PIGN: variants seen among roughly 807,000 people sequenced by gnomAD.
The protein encoded by PIGN is GPI ethanolamine phosphate transferase 1.
In PIGN, 117 loss-of-function variants were observed where a neutral mutation model predicts 125.4. The observed-to-expected ratio is 0.93, with a 90% CI of 0.80 to 1.09. PIGN has a LOEUF of 1.09. Ranked by LOEUF, PIGN falls within the 50% of genes least tolerant of loss-of-function variation. The pLI is 0.00. For missense variants in PIGN, 1,075 were observed against 1,094.9 expected, an observed-to-expected ratio of 0.98 and a Z score of 0.26; for synonymous variants, 392 against 377.8, an observed-to-expected ratio of 1.04 and a Z score of -0.44.
intron 1 of PIGN, among the ~76,000 whole-genome samples, chr18:62,169,539 A>C (rs781221400): frequency 1.3e-5 from 2 of 152,136 alleles, no homozygotes; most frequent in Non-Finnish European, 2.9e-5. Context: ...TGCTGAGATG[A>C]CAGGCGTGAG....
rs369460690 is a variant in PIGN, at chr18:62,150,935, C to T, written c.550-2597G>A. 5.3e-5 allele frequency among the ~76,000 whole-genome samples: 8 copies of T among 151,782 alleles called. No homozygotes were observed. In the East Asian group the frequency reaches 5.8e-4, roughly 11 times the overall value. On this transcript the variant is annotated intron_variant, in intron 7 of 30. Transcript: ENST00000640252. ...CAGGATGGTCTCAATCTCTTGAGAA[C>T]GTGATCCACCCGCCTCGGCCTCCCA...
chr18:62,106,546 G>A (rs543007919), intron 19 of PIGN, among the ~76,000 whole-genome samples: 32 of 152,238 alleles, frequency 2.1e-4, no homozygotes, highest in African/African-American at 7.7e-4. Context: ...TTCAGAGATG[G>A]ACATATCAGT....
At chr18:62,096,081 G>C (rs1318987209) in intron 22 of PIGN, 131 bp from the exon 23 acceptor site, 1 of 501,446 alleles carries the variant, frequency 2.0e-6, no homozygotes, top group African/African-American at 2.0e-5. Context: ...GATCACCTGA[G>C]GTCAGGAGTT....
intron 30 of PIGN, among the ~76,000 whole-genome samples, chr18:62,056,362 C>T (rs1037465733): frequency 6.6e-6 from 1 of 151,958 alleles, no homozygotes; most frequent in Non-Finnish European, 1.5e-5. Context: ...TCACTTTAAA[C>T]TTATAAGCAC....
At position 62,143,027 on chromosome 18, in the gene PIGN, C is replaced by T. The variant is rs78300082; in HGVS notation, c.963+279G>A. ...GCAATACAACCATGAAAAGCAATCA[C>T]AGAAATTTAAGAGGCATGCAAATTT... On this transcript the variant is annotated intron_variant, in intron 11 of 30. Coordinates refer to ENST00000640252, the MANE Select transcript of PIGN (RefSeq NM_176787.5). Among the ~76,000 whole-genome samples, 3,362 of 152,186 alleles carry T rather than the reference C, an allele frequency of 0.022. 101 individuals are homozygous for T. The highest frequency in any genetic ancestry group is 0.057 in the African/African-American group (2,384 of 41,512).
At chr18:62,057,317 T>C (rs1242342854) in intron 30 of PIGN, among the ~76,000 whole-genome samples, 1 of 152,178 alleles carries the variant, frequency 6.6e-6, no homozygotes, top group Non-Finnish European at 1.5e-5. Context: ...CCTAGAGCTT[T>C]CTCCAGATTT....
chr18:62,142,736 C>T (rs760845045), intron 11 of PIGN, among the ~76,000 whole-genome samples: 9 of 152,174 alleles, frequency 5.9e-5, no homozygotes, highest in Non-Finnish European at 1.3e-4. Flanking sequence ...ATTAAGGTAG[C>T]ATGTTTTTAA....
At chr18:62,141,702 C>T (rs1208573837) in intron 11 of PIGN, among the ~76,000 whole-genome samples, 3 of 152,174 alleles carry the variant, frequency 2.0e-5, no homozygotes. Context: ...TTCTTTCACA[C>T]ACAAAAAACC....
downstream of PIGN, among the ~76,000 whole-genome samples, chr18:62,038,379 T>C (rs547539357): frequency 6.9e-6 from 1 of 144,170 alleles, no homozygotes; most frequent in East Asian, 2.2e-4. Context: ...TAATTGAACT[T>C]GGCCAAAAAC....
chr18:62,107,910 C>T lies in PIGN; in HGVS notation c.1575-825G>A, dbSNP rs547199184. ...CCAATTTAAGATGTCACTAATTGTA[C>T]ACTAACGGTAATCAAGTGAACTCAT... On this transcript the variant is annotated intron_variant, in intron 17 of 30. Coordinates refer to ENST00000640252, the MANE Select transcript of PIGN (RefSeq NM_176787.5). 1.2e-4 allele frequency among the ~76,000 whole-genome samples: 18 copies of T among 152,230 alleles called. No individual in the cohort carries two copies. In the East Asian group the frequency reaches 3.5e-3, roughly 29 times the overall value.
downstream of PIGN, among the ~76,000 whole-genome samples, chr18:62,038,802 C>T (rs572363393): frequency 6.6e-6 from 1 of 152,136 alleles, no homozygotes; most frequent in South Asian, 2.1e-4. Context: ...CCCGTGGTTC[C>T]AGCTATTCAG....
At chr18:62,061,908 C>T (rs1225194132) in intron 30 of PIGN, among the ~76,000 whole-genome samples, 9 of 152,110 alleles carry the variant, frequency 5.9e-5, no homozygotes, top group African/African-American at 2.2e-4. Flanking sequence ...TGAATCTTGA[C>T]GTACATTTCC....
downstream of PIGN, among the ~76,000 whole-genome samples, chr18:62,039,194 T>A (rs2030301455): frequency 6.6e-6 from 1 of 152,008 alleles, no homozygotes; most frequent in African/African-American, 2.4e-5. Flanking sequence ...TTTAAAAACA[T>A]AAAATTACAA....
At chr18:62,185,718 GA>G (rs2037921381) in intron 1 of PIGN, among the ~76,000 whole-genome samples, 1 of 33,500 alleles carries the variant, frequency 3.0e-5, no homozygotes, top group South Asian at 1.2e-3. Flanking sequence ...ATTTGTGTGT[GA>G]AAAAAATAGG....
chr18:62,104,064 G>A (rs2034546890), intron 20 of PIGN, among the ~76,000 whole-genome samples: 1 of 152,082 alleles, frequency 6.6e-6, no homozygotes, highest in Admixed American at 6.6e-5. Flanking sequence ...TCTGAAGAAG[G>A]GAGATGCTGT....
intron 30 of PIGN, among the ~76,000 whole-genome samples, chr18:62,055,813 C>T (rs796302245): frequency 2.0e-5 from 3 of 151,902 alleles, no homozygotes; most frequent in African/African-American, 7.2e-5. Context: ...GGTTGCTGGC[C>T]TCTACCCTGG....
chr18:62,167,056 C>T (rs1054989232), intron 1 of PIGN, among the ~76,000 whole-genome samples: 1 of 152,086 alleles, frequency 6.6e-6, no homozygotes, highest in Non-Finnish European at 1.5e-5. Flanking sequence ...ATCCCAGAAC[C>T]TAAAGTAAAA....
intron 30 of PIGN, among the ~76,000 whole-genome samples, chr18:62,061,108 T>G (rs2032095870): frequency 6.6e-6 from 1 of 152,224 alleles, no homozygotes; most frequent in South Asian, 2.1e-4. Context: ...GTATGCTTCC[T>G]GAGTCTCAAT....
chr18:62,087,833 T>C (rs754697813), intron 25 of PIGN, among the ~76,000 whole-genome samples: 2 of 151,374 alleles, frequency 1.3e-5, no homozygotes, highest in Non-Finnish European at 2.9e-5. Context: ...AAAAAGAGAG[T>C]AGAATGATGG....
Sources: allele counts gnomAD v4.1 joint callset (sites outside exome capture counted in the v4.1 genomes callset), GRCh38; gene constraint gnomAD v4.1.1; transcripts MANE v1.5; gene names NCBI Gene and HGNC (gene_info 2026-07-23, HGNC 2026-07-21).